The following ATP8B1 variants were observed in gnomAD, a reference collection of about 807,000 sequenced individuals.
ATP8B1 encodes the protein ATPase phospholipid transporting 8B1.
Under a neutral mutation model 149.9 loss-of-function variants are expected in ATP8B1, and 80 were observed. The observed-to-expected ratio is 0.53, with a 90% CI of 0.45 to 0.64. The LOEUF (loss-of-function observed/expected upper bound fraction) is 0.64. ATP8B1 is among the 30% of genes least tolerant of loss of function. The pLI is 0.00. For synonymous variants in ATP8B1, 536 were observed against 562.8 expected (o/e 0.95, Z 0.67); for missense variants, 1,247 against 1,552.6 (o/e 0.80, Z 3.31).
At chr18:57,683,973 C>G (rs932043207) in intron 15 of ATP8B1, 63 bp downstream of exon 15, 3 of 1,591,022 alleles carry the variant, frequency 1.9e-6, no homozygotes, top group East Asian at 2.2e-5. Flanking sequence ...GAGCCATAAG[C>G]AGGAGTTACC....
Position 57,802,465 on chromosome 18 carries a change from A to G in ATP8B1, c.-26+533T>C, listed in dbSNP as rs530069485. On this transcript the variant is annotated intron_variant, in intron 1 of 27. Transcript: ENST00000648908. The surrounding 1 kb of genome is among the most constrained non-coding windows in gnomAD (Gnocchi z 4.9). The stretch of plus-strand genomic sequence containing the variant: ...GGCCCTGCCACAGGAGCTGGGGAGG[A>G]GAGCGATCTCACCCCCTCCATCCCT... Among the ~76,000 whole-genome samples, 2 of 152,224 alleles carry G rather than the reference A, an allele frequency of 1.3e-5. No homozygotes were observed. The highest frequency in any genetic ancestry group is 3.9e-4 in the East Asian group (2 of 5,152).
intron 2 of ATP8B1, among the ~76,000 whole-genome samples, chr18:57,729,549 CTTTTTTTTT>C (rs71171074): frequency 8.3e-6 from 1 of 120,742 alleles, no homozygotes; most frequent in Non-Finnish European, 1.7e-5. Context: ...TTCTTTCTTT[CTTTTTTTTT>C]TTTTTTTTTG....
At chr18:57,656,959 C>T (rs1241932109) in intron 22 of ATP8B1, among the ~76,000 whole-genome samples, 1 of 151,968 alleles carries the variant, frequency 6.6e-6, no homozygotes, top group African/African-American at 2.4e-5. Flanking sequence ...TCTTGGACAA[C>T]AGGAGGTGTT....
In ATP8B1 at chr18:57,701,078, T is replaced by C. The variant is rs986247709; in HGVS notation, c.515A>G (p.Glu172Gly). The C allele has an allele frequency of 1.9e-6, 3 of 1,614,196 alleles. No homozygotes were observed. The highest frequency in any genetic ancestry group is 8.5e-7 in the Non-Finnish European group (1 of 1,180,040). The change falls in exon 6 of 28, where the codon GAA becomes GGA. Residue 172 changes from glutamate to glycine, a missense_variant. Transcript: ENST00000648908. ...GACTTCACACGTCCTATTGTTGATT[T>C]CCTTATCCATTTTATGGCGAGCCTT... ...DDVARHKMDK[E>G]INNRTCEVIK...
At chr18:57,727,265 G>C (rs2079718341) in intron 2 of ATP8B1, among the ~76,000 whole-genome samples, 1 of 152,102 alleles carries the variant, frequency 6.6e-6, no homozygotes, top group African/African-American at 2.4e-5. Flanking sequence ...ATCAGAGAAA[G>C]AAAGAAAATA....
chr18:57,698,985 C>T (rs976888668), intron 6 of ATP8B1, among the ~76,000 whole-genome samples: 4 of 152,150 alleles, frequency 2.6e-5, no homozygotes, highest in Admixed American at 1.3e-4. Flanking sequence ...GGATACTGTC[C>T]TGCCTCCAAC....
intron 19 of ATP8B1, chr18:57,668,004 AG>A (rs928721739): frequency 2.5e-6 from 3 of 1,184,716 alleles, no homozygotes; most frequent in Non-Finnish European, 2.2e-6. Flanking sequence ...TTCTTTCCTT[AG>A]GTATACAATT....
At chr18:57,697,485 T>A in intron 8 of ATP8B1, 133 bp downstream of exon 8, 1 of 919,022 alleles carries the variant, frequency 1.1e-6, no homozygotes, top group Non-Finnish European at 1.8e-6. Flanking sequence ...AAAGGTGAGA[T>A]CAGTAGGGAC....
chr18:57,667,188 G>T, intron 19 of ATP8B1, 21 bp from the exon 20 acceptor site: 1 of 1,560,708 alleles, frequency 6.4e-7, no homozygotes, highest in Non-Finnish European at 8.8e-7. Flanking sequence ...ATAAAATTAA[G>T]TCAAATGTCA....
intron 22 of ATP8B1, chr18:57,659,964 A>C (rs1910287515): frequency 6.6e-6 from 1 of 152,224 alleles, no homozygotes; most frequent in African/African-American, 2.4e-5. Context: ...TAATAATACG[A>C]CAGAGCTGGA....
chr18:57,750,071 C>T (rs1381555851), intron 1 of ATP8B1, among the ~76,000 whole-genome samples: 1 of 151,968 alleles, frequency 6.6e-6, no homozygotes, highest in South Asian at 2.1e-4. Flanking sequence ...CATGAATCCC[C>T]GTCTCTACCA....
At chr18:57,767,028 G>T (rs1157291409) in intron 1 of ATP8B1, among the ~76,000 whole-genome samples, 1 of 152,128 alleles carries the variant, frequency 6.6e-6, no homozygotes, top group Non-Finnish European at 1.5e-5. Context: ...ATCTTTCCAT[G>T]TCATGGGCAG....
At chr18:57,753,379 G>A (rs2080041646) in intron 1 of ATP8B1, among the ~76,000 whole-genome samples, 1 of 152,168 alleles carries the variant, frequency 6.6e-6, no homozygotes, top group South Asian at 2.1e-4. Context: ...CATGAACAAG[G>A]GGGTTCATTT....
intron 2 of ATP8B1, among the ~76,000 whole-genome samples, chr18:57,711,615 CAA>C (rs537715447): frequency 4.0e-4 from 61 of 152,158 alleles, no homozygotes; most frequent in African/African-American, 1.4e-3. Flanking sequence ...TTTTAAAAGA[CAA>C]AGTCTCACTG....
chr18:57,684,330 A>T, intron 14 of ATP8B1, 138 bp from the exon 15 acceptor site: 1 of 938,716 alleles, frequency 1.1e-6, no homozygotes, highest in East Asian at 2.6e-5. Context: ...TTAAATGTCA[A>T]GAGGCTCACA....
chr18:57,664,450 G>A (rs1910727840), intron 20 of ATP8B1, among the ~76,000 whole-genome samples: 1 of 144,088 alleles, frequency 6.9e-6, no homozygotes, highest in Non-Finnish European at 1.5e-5. Flanking sequence ...AGGTTGCAAT[G>A]AGCCAAGATT....
chr18:57,712,148 A>G (rs377239238), intron 2 of ATP8B1, among the ~76,000 whole-genome samples: 1 of 151,890 alleles, frequency 6.6e-6, no homozygotes, highest in East Asian at 1.9e-4. Flanking sequence ...AAATTTAACA[A>G]CTATCTACAA....
intron 25 of ATP8B1, 50 bp from the exon 26 acceptor site, chr18:57,652,222 A>T (rs190425045): frequency 6.2e-7 from 1 of 1,607,332 alleles, no homozygotes; most frequent in African/African-American, 1.3e-5. Flanking sequence ...GGAGTTAGCA[A>T]GAAATAAAGG....
intron 1 of ATP8B1, chr18:57,740,600 A>AT (rs1302297595): frequency 2.9e-5 from 4 of 138,962 alleles, no homozygotes; most frequent in African/African-American, 1.1e-4. Context: ...TGTTGATTCA[A>AT]GTTCTTGCTC....
Sources: allele counts gnomAD v4.1 joint callset (sites outside exome capture counted in the v4.1 genomes callset), GRCh38; gene constraint gnomAD v4.1.1; non-coding constraint Gnocchi (gnomAD v3.1); transcripts MANE v1.5; gene names NCBI Gene and HGNC (gene_info 2026-07-23, HGNC 2026-07-21).